Variants in NEURL1B observed in about 807,000 individuals in gnomAD.
NEURL1B encodes E3 ubiquitin-protein ligase NEURL1B.
Under a neutral mutation model 37.4 loss-of-function variants are expected in NEURL1B, and 13 were observed. The ratio of observed to expected loss-of-function variants is 0.35; its 90% CI spans 0.23 to 0.55. The LOEUF (loss-of-function observed/expected upper bound fraction) is 0.55, where lower values mean the gene tolerates loss of function less well. Ranked by LOEUF, NEURL1B falls within the 20% of genes least tolerant of loss-of-function variation. The pLI is 0.89. For missense variants in NEURL1B, 790 were observed against 879.2 expected, an observed-to-expected ratio of 0.90 and a Z score of 1.28; for synonymous variants, 432 against 426.6, an observed-to-expected ratio of 1.01 and a Z score of -0.16.
Position 172,683,879 on chromosome 5 carries a change from C to A in NEURL1B, c.1038C>A (p.Asp346Glu). ...TGGCCTTCGGCATCACGTCGTGCGA[C>A]CCGGGCGTGCTACGGCCCAACGAGC... Reference protein sequence around the residue: ...GALAFGITSCDPGVLRPNELP... With the variant: ...GALAFGITSCEPGVLRPNELP... Residue 346 changes from aspartate to glutamate, a missense_variant, in exon 3 of 5, where the codon GAC (aspartate) becomes GAA (glutamate). Asp to Glu is a conservative substitution (Grantham distance 45). Around this residue, in one of 3 missense-constraint regions of NEURL1B, gnomAD observed 460 missense variants for 407.4 expected, o/e 1.13. Coordinates refer to ENST00000369800, the MANE Select transcript of NEURL1B (RefSeq NM_001142651.3). The surrounding 1 kb of genome is among the most constrained non-coding windows in gnomAD (Gnocchi z 5.6). 7.1e-7 allele frequency: 1 copy of A among 1,406,538 alleles called. No homozygotes were observed. The highest frequency in any genetic ancestry group is 9.3e-7 in the Non-Finnish European group (1 of 1,075,198). 87.1% of individuals were successfully genotyped at this position (1,406,538 alleles called of 1,614,324 possible).
chr5:172,664,539 G>T (rs1399321604), intron 1 of NEURL1B, among the ~76,000 whole-genome samples: 1 of 152,196 alleles, frequency 6.6e-6, no homozygotes, highest in Non-Finnish European at 1.5e-5. Flanking sequence ...CTATGATGTG[G>T]CTGTTGTGTT....
Position 172,686,854 on chromosome 5 carries a change from C to T in NEURL1B, c.1597C>T (p.Arg533Ter), listed in dbSNP as rs1758512573. 2.6e-6 allele frequency: 4 copies of T among 1,550,866 alleles called. No individual in the cohort carries two copies. The highest frequency in any genetic ancestry group is 3.5e-6 in the Non-Finnish European group (4 of 1,146,916). ...LCHSCGLRLK[R>*]QARACCPICR... ...CCACAGCTGCGGCCTGCGGCTCAAG[C>T]GACAGGCCCGGGCCTGCTGCCCCAT... The change falls in exon 5 of 5, where the codon CGA (arginine) becomes TGA (stop). Residue 533 changes from arginine (R) to a stop codon, truncating the protein, a stop_gained. Coordinates refer to ENST00000369800, the MANE Select transcript of NEURL1B (RefSeq NM_001142651.3). LOFTEE classifies it high-confidence loss of function. The surrounding 1 kb of genome is among the most constrained non-coding windows in gnomAD (Gnocchi z 7.9).
intron 1 of NEURL1B, among the ~76,000 whole-genome samples, chr5:172,654,367 T>G (rs765710945): frequency 6.6e-5 from 10 of 152,264 alleles, no homozygotes; most frequent in South Asian, 2.1e-4. Context: ...CTATTGTGTC[T>G]TTTTCCCTCA....
chr5:172,644,038 C>T (rs1581416421), intron 1 of NEURL1B, among the ~76,000 whole-genome samples: 2 of 152,088 alleles, frequency 1.3e-5, no homozygotes, highest in South Asian at 2.1e-4. Flanking sequence ...CTTTAAGTTT[C>T]TCCTTAGCAC....
chr5:172,666,143 G>A (rs1758009792), intron 1 of NEURL1B, among the ~76,000 whole-genome samples: 1 of 151,810 alleles, frequency 6.6e-6, no homozygotes, highest in South Asian at 2.1e-4. Context: ...TTTTTAAAAG[G>A]CAGAGAGACT....
At chr5:172,679,179 C>T (rs1758298807) in intron 2 of NEURL1B, among the ~76,000 whole-genome samples, 3 of 152,250 alleles carry the variant, frequency 2.0e-5, no homozygotes, top group Admixed American at 6.5e-5. Flanking sequence ...GGCAGTATTG[C>T]TAGCCAGGGG....
intron 3 of NEURL1B, 57 bp downstream of exon 3, chr5:172,684,195 TCA>T (rs1758434454): frequency 9.1e-7 from 1 of 1,102,336 alleles, no homozygotes; most frequent in Non-Finnish European, 1.1e-6. Context: ...CCGTGCCGTC[TCA>T]CCCCGCTGCG....
chr5:172,663,520 C>CAAAA (rs34033673), intron 1 of NEURL1B, among the ~76,000 whole-genome samples: 18 of 111,090 alleles, frequency 1.6e-4, no homozygotes, highest in African/African-American at 6.2e-4. Context: ...GACTCCATCT[C>CAAAA]AAAAAAAAAA....
rs527255343 is a variant in NEURL1B, at chr5:172,669,805, C to T, written c.52C>T (p.Leu18Phe). ...CGCAGACCCGAGCCCACCGGCGCGC[C>T]TCCTGGCCACCCGGCCGTGCTGCGG... ...TLPDPSPPAR[L>F]LATRPCCGPG... Residue 18 changes from leucine (L) to phenylalanine (F), a missense_variant, in exon 2 of 5, where the codon CTC (leucine) becomes TTC (phenylalanine). Around this residue, in one of 3 missense-constraint regions of NEURL1B, gnomAD observed 215 missense variants for 309.2 expected, o/e 0.70. Coordinates refer to ENST00000369800, the MANE Select transcript of NEURL1B (RefSeq NM_001142651.3). The T allele has an allele frequency of 7.8e-7, 1 of 1,287,562 alleles. No individual in the cohort carries two copies. The highest frequency in any genetic ancestry group is 1.6e-5 in the African/African-American group (1 of 63,410). 79.8% of individuals were successfully genotyped at this position (1,287,562 alleles called of 1,614,324 possible).
intron 1 of NEURL1B, among the ~76,000 whole-genome samples, chr5:172,646,713 G>T (rs1757566714): frequency 6.6e-6 from 1 of 152,214 alleles, no homozygotes; most frequent in Non-Finnish European, 1.5e-5. Context: ...TCAGGGAGTT[G>T]TGAGAGCCCA....
chr5:172,650,733 G>A (rs191703537), intron 1 of NEURL1B, among the ~76,000 whole-genome samples: 7 of 152,314 alleles, frequency 4.6e-5, no homozygotes, highest in Admixed American at 3.3e-4. Context: ...AATGGTGAGC[G>A]CACACTTGGA....
At position 172,661,101 on chromosome 5, in the gene NEURL1B, A is replaced by ACATGAGCACCATG; in HGVS notation, c.32-8683_32-8671dup. Among the ~76,000 whole-genome samples the ACATGAGCACCATG allele has an allele frequency of 6.6e-6, 1 of 152,292 alleles. No homozygotes were observed. The highest frequency in any genetic ancestry group is 2.1e-4 in the South Asian group (1 of 4,822). ...CAGCCTGCCCCCCTCACCCCAACAC[A>ACATGAGCACCATG]CATGAGCACCATGTTGCTTCCTACT... On this transcript the variant is annotated intron_variant, in intron 1 of 4. Transcript: ENST00000369800. This position sits in a 1 kb window ranked among gnomAD's most constrained non-coding sequence, Gnocchi z 4.0.
At chr5:172,662,587 T>A (rs1342087202) in intron 1 of NEURL1B, among the ~76,000 whole-genome samples, 1 of 152,156 alleles carries the variant, frequency 6.6e-6, no homozygotes, top group African/African-American at 2.4e-5. Context: ...TCACGTGCCA[T>A]TTAGACATGA....
In NEURL1B at chr5:172,655,727, GT is replaced by G. The variant is rs74431507; in HGVS notation, c.32-14043del. Reference sequence around the variant, plus strand: ...TAAGCTAGGTTGCTGGCCAGTGTTTGTTTTTTTTTTTTTTTCCCTCTGCATT... The same window carrying G: ...TAAGCTAGGTTGCTGGCCAGTGTTTGTTTTTTTTTTTTTTCCCTCTGCATT... On this transcript the variant is annotated intron_variant, in intron 1 of 4. Transcript: ENST00000369800. Among the ~76,000 whole-genome samples, 572 of 137,462 alleles carry G rather than the reference GT, an allele frequency of 4.2e-3. 3 individuals carry two copies. Among genetic ancestry groups the G allele is most frequent in the African/African-American group, 0.01 (378 of 37,604 alleles). 90.2% of individuals were successfully genotyped at this position (137,462 alleles called of 152,430 possible).
At chr5:172,662,082 G>A (rs945318308) in intron 1 of NEURL1B, 2 of 152,404 alleles carry the variant, frequency 1.3e-5, no homozygotes, top group Non-Finnish European at 1.5e-5. Context: ...ACCTTTCCTA[G>A]TCAAAGGAAC....
chr5:172,679,443 G>C (rs561063702), intron 2 of NEURL1B, among the ~76,000 whole-genome samples: 76 of 152,360 alleles, frequency 5.0e-4, no homozygotes, highest in Non-Finnish European at 9.4e-4. Flanking sequence ...GGGCAGTCTC[G>C]ACACGCTCCC....
rs372521127 is a variant in NEURL1B, at chr5:172,674,351, T to C, written c.577+4021T>C. Among the ~76,000 whole-genome samples, 4 of 152,198 alleles carry C rather than the reference T, an allele frequency of 2.6e-5. No individual in the cohort carries two copies. In the South Asian group the frequency reaches 8.3e-4, roughly 32 times the overall value. ...CTTTGAGCCCAGCCCAGTATCCTCC[T>C]GCACAGAGTCCAGCTGCAGCAGTGA... On this transcript the variant is annotated intron_variant, in intron 2 of 4. Transcript: ENST00000369800.
chr5:172,669,652 A>C, intron 1 of NEURL1B, 133 bp from the exon 2 acceptor site: 1 of 685,746 alleles, frequency 1.5e-6, no homozygotes, highest in Non-Finnish European at 2.0e-6. Flanking sequence ...CAAGCCTGGA[A>C]CCTTCTTAAG....
At chr5:172,660,854 C>T (rs1401402247) in intron 1 of NEURL1B, among the ~76,000 whole-genome samples, 1 of 152,186 alleles carries the variant, frequency 6.6e-6, no homozygotes, top group African/African-American at 2.4e-5. Flanking sequence ...TGGTCTCGAA[C>T]TCCTGACCTC....
Sources: gnomAD v4.1 joint callset for allele counts (sites outside exome capture counted in the v4.1 genomes callset) on GRCh38, gnomAD v4.1.1 for gene constraint, gnomAD v4.1.1 regional missense constraint, Gnocchi (gnomAD v3.1) non-coding constraint, MANE v1.5 for transcripts, NCBI Gene and HGNC (gene_info 2026-07-23, HGNC 2026-07-21) for gene names.